Variants in ABHD6 observed in about 807,000 individuals in gnomAD.
ABHD6 encodes abhydrolase domain containing 6, acylglycerol lipase, also known as monoacylglycerol lipase ABHD6.
Under a neutral mutation model 38.8 loss-of-function variants are expected in ABHD6, and 33 were observed. The observed-to-expected ratio is 0.85, with a 90% CI of 0.64 to 1.14. ABHD6 has a LOEUF of 1.14. Among genes scored for constraint, ABHD6 ranks in the 50% most tolerant of loss-of-function variants. The pLI, the probability that ABHD6 is intolerant of heterozygous loss-of-function variation, is 0.00. For synonymous variants in ABHD6, 147 were observed against 161.6 expected, an observed-to-expected ratio of 0.91 and a Z score of 0.69; for missense variants, 380 against 422.6, an observed-to-expected ratio of 0.90 and a Z score of 0.88.
intron 3 of ABHD6, among the ~76,000 whole-genome samples, chr3:58,261,152 G>A (rs150788965): frequency 1.3e-3 from 196 of 152,242 alleles, no homozygotes; most frequent in African/African-American, 4.6e-3. Flanking sequence ...TTTTCCCAAA[G>A]AAACTCAGTT....
chr3:58,267,239 A>G lies in ABHD6; in HGVS notation c.170A>G (p.Asp57Gly). Residue 57 changes from aspartate (D) to glycine (G), a missense_variant, in exon 4 of 10, where the codon GAC becomes GGC. Transcript: ENST00000478253. This position sits in a 1 kb window ranked among gnomAD's most constrained non-coding sequence, Gnocchi z 4.3. ...CAAGTCCGCTATGTTCACCATGAAG[A>G]CTATCAGTTCTGTTATTCCTTCCGG... is the stretch of plus-strand genomic sequence containing the variant. ...GMQVRYVHHE[D>G]YQFCYSFRGR... The G allele has an allele frequency of 6.2e-7, 1 of 1,614,194 alleles. No individual in the cohort carries two copies.
chr3:58,246,309 G>A (rs1299780566), intron 1 of ABHD6, among the ~76,000 whole-genome samples: 2 of 152,180 alleles, frequency 1.3e-5, no homozygotes, highest in Non-Finnish European at 2.9e-5. Context: ...GACAAAAGAG[G>A]CTGATGTTGC....
In ABHD6 at chr3:58,293,331, G is replaced by A. The variant is rs1055036010; in HGVS notation, c.838-258G>A. On this transcript the variant is annotated intron_variant, in intron 9 of 9. Transcript: ENST00000478253. This position sits in a 1 kb window ranked among gnomAD's most constrained non-coding sequence, Gnocchi z 4.4. ...CATACCATAACCTCCTCAAGGGCAA[G>A]GAACGTTTGTTTTCTACCTCAGTAT... 1.3e-5 allele frequency among the ~76,000 whole-genome samples: 2 copies of A among 152,168 alleles called. No homozygotes were observed. Among genetic ancestry groups the A allele is most frequent in the Admixed American group, 6.5e-5 (1 of 15,274 alleles).
At chr3:58,289,146 C>T (rs189255008) in intron 9 of ABHD6, among the ~76,000 whole-genome samples, 79 of 152,326 alleles carry the variant, frequency 5.2e-4, no homozygotes, top group African/African-American at 1.6e-3. Context: ...CCTCAACCTC[C>T]TGAGCTCAAG....
intron 1 of ABHD6, among the ~76,000 whole-genome samples, chr3:58,245,464 C>G (rs1034450331): frequency 2.6e-5 from 4 of 151,602 alleles, no homozygotes; most frequent in Non-Finnish European, 4.4e-5. Context: ...CTGCATCTGG[C>G]CACTTCACCT....
intron 1 of ABHD6, among the ~76,000 whole-genome samples, chr3:58,241,073 A>C (rs1202715230): frequency 6.6e-6 from 1 of 152,106 alleles, no homozygotes; most frequent in East Asian, 1.9e-4. Flanking sequence ...GTTGGTTGTC[A>C]CAACTTGTAG....
chr3:58,290,306 C>G (rs1323078365), intron 9 of ABHD6, among the ~76,000 whole-genome samples: 1 of 141,192 alleles, frequency 7.1e-6, no homozygotes, highest in Admixed American at 6.9e-5. Flanking sequence ...TGACCCCCCC[C>G]ACCTCCCTCC....
At chr3:58,242,799 G>A (rs147830575) in intron 1 of ABHD6, among the ~76,000 whole-genome samples, 1,841 of 152,232 alleles carry the variant, frequency 0.012, 31 homozygotes, top group African/African-American at 0.042. Flanking sequence ...GTATACATGT[G>A]CCATGTTGGT....
intron 2 of ABHD6, among the ~76,000 whole-genome samples, chr3:58,252,233 T>TG (rs965357644): frequency 4.3e-5 from 6 of 140,354 alleles, no homozygotes; most frequent in African/African-American, 1.7e-4. Flanking sequence ...CTGCTTGTTT[T>TG]TTTTTTTTTT....
intron 2 of ABHD6, among the ~76,000 whole-genome samples, chr3:58,254,759 A>G (rs9854917): frequency 0.55 from 83,088 of 151,204 alleles, 25,515 homozygotes; most frequent in African/African-American, 0.84. Context: ...TCTGTGTTGG[A>G]GAGAATGACT....
At chr3:58,264,387 G>GCACACACACACACA (rs61099164) in intron 3 of ABHD6, among the ~76,000 whole-genome samples, 16 of 132,212 alleles carry the variant, frequency 1.2e-4, no homozygotes, top group African/African-American at 1.4e-4. Context: ...TTATATAAAC[G>GCACACACACACACA]CACACACACA....
Position 58,269,242 on chromosome 3 carries a change from C to A in ABHD6, c.277-79C>A. The A allele has an allele frequency of 9.4e-7, 1 of 1,069,016 alleles. No homozygotes were observed. Among genetic ancestry groups the A allele is most frequent in the South Asian group, 1.4e-5 (1 of 73,510 alleles). 66.2% of individuals were successfully genotyped at this position (1,069,016 alleles called of 1,614,324 possible). ...AGGGATGGCTGTCTGGGTCACTGTA[C>A]ATGGGGCAACCTCCCAAGAAAATGG... On this transcript the variant is annotated intron_variant, in intron 4 of 9. Transcript: ENST00000478253. The surrounding 1 kb of genome is among the most constrained non-coding windows in gnomAD (Gnocchi z 4.4).
chr3:58,270,034 G>A (rs1027986483), intron 5 of ABHD6, among the ~76,000 whole-genome samples: 6 of 152,106 alleles, frequency 3.9e-5, no homozygotes, highest in Non-Finnish European at 7.4e-5. Flanking sequence ...TGTCTTTTTA[G>A]CTCTTTGCTG....
Position 58,256,345 on chromosome 3 carries a change from G to GT in ABHD6, c.-25-205dup, listed in dbSNP as rs10574237. On this transcript the variant is annotated intron_variant, in intron 2 of 9. Transcript: ENST00000478253. The surrounding 1 kb of genome is among the most constrained non-coding windows in gnomAD (Gnocchi z 4.3). ...TTGTCCCAACTATGTCCTTTATAAT[G>GT]TTTTTTTTTTTTACAAATCCAGGCT... Among the ~76,000 whole-genome samples, 38 of 150,704 alleles carry GT rather than the reference G, an allele frequency of 2.5e-4. No individual in the cohort carries two copies. Among genetic ancestry groups the GT allele is most frequent in the South Asian group, 1.3e-3 (6 of 4,766 alleles).
chr3:58,281,393 C>G (rs1047049238), intron 7 of ABHD6, among the ~76,000 whole-genome samples: 1 of 152,188 alleles, frequency 6.6e-6, no homozygotes, highest in Non-Finnish European at 1.5e-5. Flanking sequence ...GGCCTGGGAC[C>G]CACCGAGCCA....
chr3:58,241,598 C>CT (rs1278557111), intron 1 of ABHD6, among the ~76,000 whole-genome samples: 1 of 152,186 alleles, frequency 6.6e-6, no homozygotes, highest in Non-Finnish European at 1.5e-5. Context: ...GGGTGTTTGC[C>CT]TTGTGATATA....
chr3:58,271,775 T>TTTTTTTTTTTTTTTTG (rs2097445202), intron 6 of ABHD6, among the ~76,000 whole-genome samples: 1 of 135,070 alleles, frequency 7.4e-6, no homozygotes, highest in African/African-American at 2.8e-5. Context: ...TGTTTTTTTT[T>TTTTTTTTTTTTTTTTG]TTTTTTTTTT....
intron 7 of ABHD6, among the ~76,000 whole-genome samples, chr3:58,284,424 A>G (rs1445965111): frequency 6.7e-6 from 1 of 150,358 alleles, no homozygotes; most frequent in Non-Finnish European, 1.5e-5. Flanking sequence ...TTACTGGCGA[A>G]TTACTTGATA....
At chr3:58,244,883 T>C (rs891089308) in intron 1 of ABHD6, among the ~76,000 whole-genome samples, 21 of 152,222 alleles carry the variant, frequency 1.4e-4, no homozygotes, top group Non-Finnish European at 2.1e-4. Flanking sequence ...TAAACAAAAC[T>C]GTATTTTACT....
Sources: gnomAD v4.1 joint callset for allele counts (sites outside exome capture counted in the v4.1 genomes callset) on GRCh38, gnomAD v4.1.1 for gene constraint, Gnocchi (gnomAD v3.1) non-coding constraint, MANE v1.5 for transcripts, NCBI Gene and HGNC (gene_info 2026-07-23, HGNC 2026-07-21) for gene names.